The following PDLIM5 variants were observed in gnomAD, a reference collection of about 807,000 sequenced individuals.
PDLIM5 encodes PDZ and LIM domain protein 5.
In PDLIM5, 34 loss-of-function variants were observed where a neutral mutation model predicts 64.2. That is an observed-to-expected ratio of 0.53 (90% CI 0.40 to 0.71). The LOEUF (loss-of-function observed/expected upper bound fraction) is 0.71. Ranked by LOEUF, PDLIM5 falls within the 30% of genes least tolerant of loss-of-function variation. PDLIM5 has a pLI of 0.00. For synonymous variants in PDLIM5, 253 were observed against 269.1 expected (o/e 0.94, Z 0.59); for missense variants, 683 against 733.6 (o/e 0.93, Z 0.80).
At chr4:94,503,103 T>G (rs528378933) in intron 2 of PDLIM5, among the ~76,000 whole-genome samples, 2 of 152,304 alleles carry the variant, frequency 1.3e-5, no homozygotes, top group African/African-American at 4.8e-5. Context: ...TTTTCAAGTT[T>G]AGAGATATAG....
At chr4:94,512,485 G>A (rs1332495778) in intron 2 of PDLIM5, among the ~76,000 whole-genome samples, 1 of 152,140 alleles carries the variant, frequency 6.6e-6, no homozygotes, top group African/African-American at 2.4e-5. Context: ...GGGATGAGAT[G>A]ATATCTCATA....
Position 94,575,787 on chromosome 4 carries a change from G to A in PDLIM5, c.463G>A (p.Ala155Thr), listed in dbSNP as rs1735193177. 6.2e-7 allele frequency: 1 copy of A among 1,614,042 alleles called. No individual in the cohort carries two copies. The highest frequency in any genetic ancestry group is 8.5e-7 in the Non-Finnish European group (1 of 1,180,002). The change falls in exon 5 of 13, where the codon GCG (alanine) becomes ACG (threonine). Residue 155 changes from alanine (A) to threonine (T), a missense_variant. By Grantham distance (58) the Ala-to-Thr change is moderately conservative. Transcript: ENST00000317968. ...SPSSAFTPAH[A>T]TTSSHASPSP... ...ATCGTCTGCCTTCACCCCAGCCCAT[G>A]CGACCACCTCATCACATGCTTCCCC...
chr4:94,507,131 T>G (rs1473408878), intron 2 of PDLIM5, among the ~76,000 whole-genome samples: 2 of 152,090 alleles, frequency 1.3e-5, no homozygotes, highest in Non-Finnish European at 2.9e-5. Flanking sequence ...GAGCCACTAC[T>G]GGCTTCTTTC....
chr4:94,596,450 A>T (rs1391086679), intron 7 of PDLIM5, among the ~76,000 whole-genome samples: 2 of 152,126 alleles, frequency 1.3e-5, no homozygotes, highest in African/African-American at 4.8e-5. Flanking sequence ...ATTACACAAT[A>T]AAATTATTTT....
At chr4:94,644,449 T>C (rs1426281641) in intron 9 of PDLIM5, among the ~76,000 whole-genome samples, 1 of 151,850 alleles carries the variant, frequency 6.6e-6, no homozygotes, top group African/African-American at 2.4e-5. Context: ...AAAGAAACTA[T>C]ACACCAAGAT....
At chr4:94,624,585 G>A (rs1407241841) in intron 8 of PDLIM5, among the ~76,000 whole-genome samples, 1 of 152,124 alleles carries the variant, frequency 6.6e-6, no homozygotes, top group Non-Finnish European at 1.5e-5. Flanking sequence ...GGTAAAATAT[G>A]TATTTGTTTA....
rs754817773 is a variant in PDLIM5 at position 94,618,178 on chromosome 4, G to A, written c.1095G>A (p.Arg365=). Reference sequence around the variant, plus strand: ...TCATCAAGTCACCAAGCTGGCAACGGCCAAACCAAGGAGGTAGCCCAGAGA... The same window carrying A: ...TCATCAAGTCACCAAGCTGGCAACGACCAAACCAAGGAGGTAGCCCAGAGA... ...TGVIKSPSWQ[R]PNQGVPSTGR... is the part of the protein sequence containing the mutation. Residue 365 remains arginine (R), a synonymous_variant, in exon 8 of 13, where the codon CGG becomes CGA. Coordinates refer to ENST00000317968, the MANE Select transcript of PDLIM5 (RefSeq NM_006457.5). 2.9e-5 allele frequency: 47 copies of A among 1,597,540 alleles called. No individual in the cohort carries two copies. The highest frequency in any genetic ancestry group is 3.9e-5 in the Non-Finnish European group (46 of 1,172,694).
At position 94,640,311 on chromosome 4, in the gene PDLIM5, T is replaced by TA; in HGVS notation, c.1145dup (p.Tyr382Ter). 1 of 1,610,950 alleles carries TA rather than the reference T, an allele frequency of 6.2e-7. No homozygotes were observed. The highest frequency in any genetic ancestry group is 8.5e-7 in the Non-Finnish European group (1 of 1,177,342). Residue 382 changes from tyrosine to a stop codon, truncating the protein, a stop_gained and frameshift_variant, in exon 9 of 13, where the codon TAC (tyrosine) becomes TAAC (stop). Coordinates refer to ENST00000317968, the MANE Select transcript of PDLIM5 (RefSeq NM_006457.5). LOFTEE classifies it high-confidence loss of function. ...TGGAAGAATCTCAAACAGCGCTACT[T>TA]ACTCAGGATCAGTGGCACCAGCCAA... ...STGRISNSAT[Y>*]SGSVAPANSA...
At chr4:94,529,414 T>C (rs1730660265) in intron 3 of PDLIM5, among the ~76,000 whole-genome samples, 1 of 152,212 alleles carries the variant, frequency 6.6e-6, no homozygotes, top group African/African-American at 2.4e-5. Context: ...TAATTTTGTT[T>C]TGTTAATTTT....
intron 8 of PDLIM5, among the ~76,000 whole-genome samples, chr4:94,624,847 A>C (rs1739540007): frequency 6.6e-6 from 1 of 152,220 alleles, no homozygotes; most frequent in African/African-American, 2.4e-5. Flanking sequence ...TGTGGACTTG[A>C]TGCTGAAAGG....
At chr4:94,628,871 C>T (rs1739911587) in intron 8 of PDLIM5, among the ~76,000 whole-genome samples, 1 of 152,026 alleles carries the variant, frequency 6.6e-6, no homozygotes, top group African/African-American at 2.4e-5. Flanking sequence ...CATTGATCCT[C>T]TTTAGTATTC....
intron 1 of PDLIM5, among the ~76,000 whole-genome samples, chr4:94,453,936 A>C (rs560595349): frequency 2.6e-5 from 4 of 152,230 alleles, no homozygotes; most frequent in African/African-American, 9.6e-5. Context: ...AATTTTCTGT[A>C]ATTTTTATTT....
chr4:94,467,982 T>G (rs1724521486), intron 2 of PDLIM5, among the ~76,000 whole-genome samples: 1 of 152,230 alleles, frequency 6.6e-6, no homozygotes, highest in Non-Finnish European at 1.5e-5. Context: ...AGTTTAGGTT[T>G]TAATTGTCTC....
At chr4:94,459,463 T>C (rs72874760) in intron 2 of PDLIM5, among the ~76,000 whole-genome samples, 3,996 of 152,292 alleles carry the variant, frequency 0.026, 147 homozygotes, top group African/African-American at 0.085. Context: ...AGAAACTTAC[T>C]ATTGCTTGGA....
intron 8 of PDLIM5, among the ~76,000 whole-genome samples, chr4:94,618,613 T>C (rs1417237766): frequency 2.0e-5 from 3 of 152,224 alleles, no homozygotes; most frequent in Admixed American, 6.5e-5. Flanking sequence ...TTCCAATTCT[T>C]GTTCTTACAG....
intron 2 of PDLIM5, among the ~76,000 whole-genome samples, chr4:94,467,350 T>G (rs904131612): frequency 3.3e-5 from 5 of 151,294 alleles, no homozygotes; most frequent in African/African-American, 1.2e-4. Flanking sequence ...AGTCTCGCTC[T>G]GTTGCCCAGG....
At chr4:94,634,883 C>A (rs1347911129) in intron 8 of PDLIM5, among the ~76,000 whole-genome samples, 1 of 152,136 alleles carries the variant, frequency 6.6e-6, no homozygotes. Context: ...TCTAGCAACT[C>A]TGTATATTGT....
intron 10 of PDLIM5, among the ~76,000 whole-genome samples, chr4:94,655,507 T>G (rs985234368): frequency 6.6e-6 from 1 of 152,182 alleles, no homozygotes; most frequent in African/African-American, 2.4e-5. Context: ...TCTTAAGATA[T>G]CTCTTAGGAT....
chr4:94,634,244 G>T (rs1292262288), intron 8 of PDLIM5, among the ~76,000 whole-genome samples: 1 of 152,064 alleles, frequency 6.6e-6, no homozygotes, highest in Admixed American at 6.6e-5. Context: ...GAGATCTACA[G>T]GCAGTCACTG....
Sources: allele counts gnomAD v4.1 joint callset (sites outside exome capture counted in the v4.1 genomes callset), GRCh38; gene constraint gnomAD v4.1.1; transcripts MANE v1.5; gene names NCBI Gene and HGNC (gene_info 2026-07-23, HGNC 2026-07-21).